Variants in MAPK4 observed in about 807,000 individuals in gnomAD.
MAPK4 encodes mitogen-activated protein kinase 4, also known as Erk3-related.
In MAPK4, 22 loss-of-function variants were observed where a neutral mutation model predicts 47.7. The observed-to-expected ratio is 0.46, with a 90% CI of 0.33 to 0.66. The LOEUF (loss-of-function observed/expected upper bound fraction) is 0.66. Among genes scored for constraint, MAPK4 ranks in the 30% least tolerant of loss-of-function variants. The pLI is 0.02. For missense variants in MAPK4, 736 were observed against 831.7 expected, an observed-to-expected ratio of 0.88 and a Z score of 1.42; for synonymous variants, 390 against 365.7, an observed-to-expected ratio of 1.07 and a Z score of -0.76.
At chr18:50,562,548 G>A (rs1006406148) in intron 1 of MAPK4, among the ~76,000 whole-genome samples, 1 of 152,150 alleles carries the variant, frequency 6.6e-6, no homozygotes, top group Non-Finnish European at 1.5e-5. Context: ...GTGATGTTGG[G>A]GTGAGAGAGT....
intron 1 of MAPK4, among the ~76,000 whole-genome samples, chr18:50,635,727 T>C (rs974261687): frequency 6.6e-6 from 1 of 152,166 alleles, no homozygotes; most frequent in Non-Finnish European, 1.5e-5. Context: ...CTCATGATTA[T>C]TCAACAAGGC....
At chr18:50,592,039 G>A (rs374100327) in intron 1 of MAPK4, among the ~76,000 whole-genome samples, 90 of 152,240 alleles carry the variant, frequency 5.9e-4, no homozygotes, top group East Asian at 2.7e-3. Context: ...AAAGTCCTGG[G>A]AAGTTAATTA....
intron 2 of MAPK4, among the ~76,000 whole-genome samples, chr18:50,683,658 G>T (rs1031965023): frequency 2.6e-5 from 4 of 152,164 alleles, no homozygotes; most frequent in African/African-American, 7.2e-5. Context: ...TCTAGACAAG[G>T]TTCCTGCCTT....
In MAPK4 at chr18:50,729,621, G is replaced by GCCGA. The variant is rs1327762147; in HGVS notation, c.1533_1536dup (p.Asp513ArgfsTer49). Reference sequence around the variant, plus strand: ...CGGCCCAGAGCACGCCAGCCCGCCCGCCGACGACCCCGAGCGCCGCTTGTC... The same window carrying GCCGA: ...CGGCCCAGAGCACGCCAGCCCGCCCGCCGACCGACGACCCCGAGCGCCGCTTGTC... On this transcript the variant is annotated frameshift_variant, in exon 6 of 6. Transcript: ENST00000400384. LOFTEE classifies it high-confidence loss of function. 26 of 1,385,710 alleles carry GCCGA rather than the reference G, an allele frequency of 1.9e-5. No individual in the cohort carries two copies. Among genetic ancestry groups the GCCGA allele is most frequent in the Non-Finnish European group, 2.1e-5 (23 of 1,072,120 alleles). The allele number at this position is 1,385,710 out of a possible 1,614,324, so 85.8% of individuals were successfully genotyped here. A position where few individuals can be genotyped will look rare whatever the true frequency, so the allele number is the denominator to read the frequency against.
intron 2 of MAPK4, among the ~76,000 whole-genome samples, chr18:50,701,526 G>A (rs944668884): frequency 1.3e-5 from 2 of 152,106 alleles, no homozygotes; most frequent in Non-Finnish European, 2.9e-5. Context: ...TACGTGGTTT[G>A]CAGTTACTTC....
chr18:50,627,448 GC>G (rs1209350132), intron 1 of MAPK4, among the ~76,000 whole-genome samples: 1 of 152,158 alleles, frequency 6.6e-6, no homozygotes, highest in Non-Finnish European at 1.5e-5. Context: ...TTCAGGGGTG[GC>G]CCGAGCTCTG....
At chr18:50,688,846 C>CATAT (rs1443332753) in intron 2 of MAPK4, among the ~76,000 whole-genome samples, 1 of 134,124 alleles carries the variant, frequency 7.5e-6, no homozygotes, top group Non-Finnish European at 1.5e-5. Context: ...AGAACTTACT[C>CATAT]ATATAACCAA....
chr18:50,730,724 C>T lies in MAPK4; in HGVS notation c.*870C>T, dbSNP rs1452772007. On this transcript the variant is annotated 3_prime_UTR_variant, in exon 6 of 6. Transcript: ENST00000400384. Reference sequence around the variant, plus strand: ...GCAAAGACACAGCCCTCTTTCCCCACTGGGCGTCCTACCCCAGTGAGGTTG... The same window carrying T: ...GCAAAGACACAGCCCTCTTTCCCCATTGGGCGTCCTACCCCAGTGAGGTTG... 6.6e-6 allele frequency: 1 copy of T among 152,536 alleles called. No homozygotes were observed. The highest frequency in any genetic ancestry group is 1.5e-5 in the Non-Finnish European group (1 of 68,056). The allele number at this position is 152,536 out of a possible 1,614,324, so 9.4% of individuals were successfully genotyped here.
chr18:50,579,271 C>G (rs1358597309), intron 1 of MAPK4, among the ~76,000 whole-genome samples: 1 of 152,152 alleles, frequency 6.6e-6, no homozygotes, highest in Non-Finnish European at 1.5e-5. Context: ...GGTACATGGC[C>G]TGTGCATCAT....
chr18:50,629,978 C>A (rs1361931509), intron 1 of MAPK4: 2 of 152,120 alleles, frequency 1.3e-5, no homozygotes, highest in Admixed American at 1.3e-4. Flanking sequence ...TGTGTCTGGG[C>A]ATGTTAAGGG....
chr18:50,571,590 A>G (rs535774229), intron 1 of MAPK4, among the ~76,000 whole-genome samples: 5 of 152,316 alleles, frequency 3.3e-5, no homozygotes, highest in African/African-American at 1.2e-4. Flanking sequence ...AATTTCTTTT[A>G]TCAGTAACTT....
At chr18:50,700,858 T>C (rs1909750144) in intron 2 of MAPK4, among the ~76,000 whole-genome samples, 1 of 152,176 alleles carries the variant, frequency 6.6e-6, no homozygotes, top group Admixed American at 6.5e-5. Flanking sequence ...GTTTTGGCCC[T>C]TGGTAAAGGA....
intron 2 of MAPK4, among the ~76,000 whole-genome samples, chr18:50,665,940 T>A (rs1907578976): frequency 1.3e-5 from 2 of 152,354 alleles, no homozygotes; most frequent in South Asian, 4.1e-4. Flanking sequence ...TTCTTTTTTC[T>A]CTTTCTTCTA....
chr18:50,625,564 C>T (rs2042769841), intron 1 of MAPK4, among the ~76,000 whole-genome samples: 1 of 152,076 alleles, frequency 6.6e-6, no homozygotes, highest in Non-Finnish European at 1.5e-5. Flanking sequence ...GAAGACAGCC[C>T]CTTCCTTCAT....
At chr18:50,600,361 G>T (rs1248541251) in intron 1 of MAPK4, among the ~76,000 whole-genome samples, 1 of 152,170 alleles carries the variant, frequency 6.6e-6, no homozygotes, top group Admixed American at 6.5e-5. Flanking sequence ...AGCTCCAGGG[G>T]CAGGTCTGAT....
intron 2 of MAPK4, among the ~76,000 whole-genome samples, chr18:50,679,999 C>T (rs1908494261): frequency 6.6e-6 from 1 of 152,068 alleles, no homozygotes; most frequent in African/African-American, 2.4e-5. Context: ...CTCGCCGCCC[C>T]ACACACAGCG....
At chr18:50,724,238 G>A (rs143125047) in intron 4 of MAPK4, among the ~76,000 whole-genome samples, 194 of 152,156 alleles carry the variant, frequency 1.3e-3, no homozygotes, top group African/African-American at 4.6e-3. Flanking sequence ...ACTACTACTC[G>A]TCTTGCTAGA....
intron 2 of MAPK4, among the ~76,000 whole-genome samples, chr18:50,704,121 C>T (rs1356827718): frequency 6.6e-6 from 1 of 152,138 alleles, no homozygotes; most frequent in Non-Finnish European, 1.5e-5. Context: ...CATTCCATTC[C>T]CTCCCACGCC....
intron 2 of MAPK4, among the ~76,000 whole-genome samples, chr18:50,709,028 G>C (rs1212117701): frequency 6.6e-6 from 1 of 152,090 alleles, no homozygotes; most frequent in Non-Finnish European, 1.5e-5. Flanking sequence ...ATTGGCTCTC[G>C]GCTGTCCCCA....
Sources: allele counts gnomAD v4.1 joint callset (sites outside exome capture counted in the v4.1 genomes callset), GRCh38; gene constraint gnomAD v4.1.1; transcripts MANE v1.5; gene names NCBI Gene and HGNC (gene_info 2026-07-23, HGNC 2026-07-21).